GPHN: variants seen among roughly 807,000 people sequenced by gnomAD.
GPHN encodes gephyrin.
A neutral mutation model predicts 95.5 loss-of-function variants in GPHN; 17 were observed. The ratio of observed to expected loss-of-function variants is 0.18; its 90% confidence interval spans 0.12 to 0.27. The LOEUF is 0.27. Among genes scored for constraint, GPHN ranks in the 10% least tolerant of loss-of-function variants. The pLI, the probability that GPHN is intolerant of heterozygous loss-of-function variation, is 1.00. For synonymous variants in GPHN, 320 were observed against 322.5 expected (o/e 0.99, Z 0.08); for missense variants, 660 against 978.1 (o/e 0.67, Z 4.34).
the GPHN span, among the ~76,000 whole-genome samples, chr14:67,403,149 G>A: frequency 6.6e-6 from 1 of 152,134 alleles, no homozygotes; most frequent in South Asian, 2.1e-4. Context: ...TTGTAGTTTT[G>A]ATTTGCATTT....
At chr14:67,343,325 G>T in the GPHN span, 1 of 1,418,922 alleles carries the variant, frequency 7.0e-7, no homozygotes, top group Non-Finnish European at 9.8e-7. Flanking sequence ...ACGACAAGTG[G>T]AGGGTATGGA....
the GPHN span, among the ~76,000 whole-genome samples, chr14:67,357,390 C>T: frequency 6.6e-6 from 1 of 152,188 alleles, no homozygotes; most frequent in Non-Finnish European, 1.5e-5. Flanking sequence ...GACTACATGA[C>T]AAAAAGCCTG....
At chr14:66,903,392 A>G (rs1384512847) in intron 5 of GPHN, among the ~76,000 whole-genome samples, 1 of 151,954 alleles carries the variant, frequency 6.6e-6, no homozygotes, top group African/African-American at 2.4e-5. Context: ...TTATGGCTAC[A>G]GTTGTTACAG....
the GPHN span, among the ~76,000 whole-genome samples, chr14:67,520,497 C>A: frequency 1.3e-5 from 2 of 152,232 alleles, no homozygotes; most frequent in Non-Finnish European, 2.9e-5. Context: ...GCCTCCATGC[C>A]ATTTTATGGC....
chr14:67,165,126 AG>A (rs777820854), intron 19 of GPHN, 35 bp from the exon 20 acceptor site: 8 of 1,409,550 alleles, frequency 5.7e-6, no homozygotes. Flanking sequence ...CATATTGCTT[AG>A]CAATCACTAA....
intron 1 of GPHN, among the ~76,000 whole-genome samples, chr14:66,517,382 G>T (rs1183387204): frequency 6.6e-6 from 1 of 152,108 alleles, no homozygotes; most frequent in Non-Finnish European, 1.5e-5. Flanking sequence ...CAGATTCAAT[G>T]CAGTCCTATC....
chr14:67,417,128 G>T, the GPHN span, among the ~76,000 whole-genome samples: 5 of 152,228 alleles, frequency 3.3e-5, no homozygotes, highest in Non-Finnish European at 7.3e-5. Flanking sequence ...CTCTTGAACA[G>T]CACTGCTCTT....
chr14:66,793,011 T>C (rs1009533926), intron 3 of GPHN, among the ~76,000 whole-genome samples: 4 of 152,276 alleles, frequency 2.6e-5, no homozygotes, highest in Non-Finnish European at 5.9e-5. Context: ...GGTTTAAGAA[T>C]GCCTTTAAGC....
the GPHN span, among the ~76,000 whole-genome samples, chr14:67,358,752 C>A: frequency 2.8e-4 from 43 of 152,288 alleles, no homozygotes; most frequent in African/African-American, 9.6e-4. Flanking sequence ...AGAAAGGGAG[C>A]AAGTTGTTAG....
chr14:67,071,917 G>C (rs1396432508), intron 11 of GPHN, among the ~76,000 whole-genome samples: 1 of 151,734 alleles, frequency 6.6e-6, no homozygotes, highest in African/African-American at 2.4e-5. Context: ...AGGAAGGGGG[G>C]GTTAATTTTT....
At chr14:67,454,731 A>T in the GPHN span, 1 of 152,216 alleles carries the variant, frequency 6.6e-6, no homozygotes, top group Non-Finnish European at 1.5e-5. Flanking sequence ...TAAGTTATAT[A>T]ATAAGGGGGA....
At chr14:66,571,069 A>C (rs946334101) in intron 1 of GPHN, among the ~76,000 whole-genome samples, 1 of 152,180 alleles carries the variant, frequency 6.6e-6, no homozygotes, top group Admixed American at 6.5e-5. Context: ...ATAAAGAAAT[A>C]CCCAAGACTA....
intron 1 of GPHN, among the ~76,000 whole-genome samples, chr14:66,539,405 C>CATTCT (rs2059265140): frequency 8.6e-6 from 1 of 116,130 alleles, no homozygotes; most frequent in Admixed American, 9.1e-5. Context: ...CTGCTTTCTA[C>CATTCT]TTTCTTTTTT....
rs1222370197 is a variant in GPHN, at chr14:66,508,522, G to A, written c.-6G>A. On this transcript the variant is annotated 5_prime_UTR_variant, in exon 1 of 23. Coordinates refer to ENST00000478722, the MANE Select transcript of GPHN (RefSeq NM_020806.5). ...TCCTGTCAGTGCGGTGACTGCGCTG[G>A]GAAACATGGCGACCGAGGGAATGAT... The A allele has an allele frequency of 6.2e-7, 1 of 1,613,816 alleles. No individual in the cohort carries two copies. Among genetic ancestry groups the A allele is most frequent in the Non-Finnish European group, 8.5e-7 (1 of 1,179,822 alleles).
the GPHN span, among the ~76,000 whole-genome samples, chr14:67,196,269 T>C: frequency 3.3e-5 from 5 of 151,374 alleles, no homozygotes; most frequent in African/African-American, 1.2e-4. Flanking sequence ...CAGCCTGCAG[T>C]GCATTGGCAC....
rs148899158 is a variant in GPHN, at chr14:67,111,511, T to C, written c.1414-350T>C. On this transcript the variant is annotated intron_variant, in intron 14 of 22. Coordinates refer to ENST00000478722, the MANE Select transcript of GPHN (RefSeq NM_020806.5). ...AGATATTACCTCCACACACGTTCAC[T>C]TTATTAGGGTAGCCACCTACATATG... is the stretch of plus-strand genomic sequence containing the variant. Among the ~76,000 whole-genome samples, 1,425 of 152,312 alleles carry C rather than the reference T, an allele frequency of 9.4e-3. 28 individuals are homozygous for C. The highest frequency in any genetic ancestry group is 0.033 in the African/African-American group (1,386 of 41,566).
the GPHN span, among the ~76,000 whole-genome samples, chr14:67,325,913 A>G: frequency 6.7e-6 from 1 of 148,224 alleles, no homozygotes; most frequent in East Asian, 2.0e-4. Context: ...GGTTCGAGCT[A>G]TTCTTCTGCC....
the GPHN span, among the ~76,000 whole-genome samples, chr14:67,238,392 C>T: frequency 6.6e-6 from 1 of 151,806 alleles, no homozygotes; most frequent in Non-Finnish European, 1.5e-5. Flanking sequence ...TCTCAGCTTC[C>T]CAAGTAGCCA....
chr14:67,167,175 T>A (rs889714511), intron 20 of GPHN, among the ~76,000 whole-genome samples: 2 of 152,114 alleles, frequency 1.3e-5, no homozygotes, highest in African/African-American at 4.8e-5. Context: ...TTAACCATAA[T>A]CCCCCAACAC....
Sources: gnomAD v4.1 joint callset for allele counts (sites outside exome capture counted in the v4.1 genomes callset) on GRCh38, gnomAD v4.1.1 for gene constraint, MANE v1.5 for transcripts, NCBI Gene and HGNC (gene_info 2026-07-23, HGNC 2026-07-21) for gene names.